Variants in RARB observed in about 807,000 individuals in gnomAD.
RARB encodes the protein retinoic acid receptor beta, also known as HBV-activated protein.
RARB carries 17 observed loss-of-function variants against 51.9 expected under a neutral mutation model. The observed-to-expected ratio is 0.33, with a 90% CI of 0.22 to 0.49. The LOEUF (loss-of-function observed/expected upper bound fraction) is 0.49, where lower values mean the gene tolerates loss of function less well. Ranked by LOEUF, RARB falls within the 20% of genes least tolerant of loss-of-function variation. RARB has a pLI of 0.99. For synonymous variants in RARB, 215 were observed against 195.4 expected (o/e 1.10, Z -0.84); for missense variants, 369 against 550.8 (o/e 0.67, Z 3.30).
intron 2 of RARB, among the ~76,000 whole-genome samples, chr3:24,888,458 C>T (rs1471727536): frequency 1.3e-5 from 2 of 151,718 alleles, no homozygotes; most frequent in African/African-American, 4.8e-5. Flanking sequence ...GGTACATGTG[C>T]ACAACTGATG....
chr3:25,113,039 T>G (rs1699629431), intron 3 of RARB, among the ~76,000 whole-genome samples: 2 of 152,344 alleles, frequency 1.3e-5, no homozygotes, highest in South Asian at 2.1e-4. Flanking sequence ...CCTGTAGTTT[T>G]GTTCTGACTT....
intron 2 of RARB, among the ~76,000 whole-genome samples, chr3:25,479,978 G>C (rs1249705199): frequency 6.6e-6 from 1 of 152,084 alleles, no homozygotes; most frequent in Non-Finnish European, 1.5e-5. Context: ...TAAAAAACTT[G>C]GTTATATTTG....
At chr3:24,875,209 T>C (rs1703018158) in intron 2 of RARB, among the ~76,000 whole-genome samples, 1 of 152,170 alleles carries the variant, frequency 6.6e-6, no homozygotes, top group Admixed American at 6.5e-5. Context: ...TATATTCTGT[T>C]GCATATTTTT....
intron 3 of RARB, among the ~76,000 whole-genome samples, chr3:25,557,300 G>T (rs1193720931): frequency 6.6e-6 from 1 of 152,160 alleles, no homozygotes; most frequent in Non-Finnish European, 1.5e-5. Context: ...TTCACATTAA[G>T]TCAATTTCTA....
intron 5 of RARB, among the ~76,000 whole-genome samples, chr3:25,215,936 T>C (rs1021014329): frequency 5.3e-5 from 8 of 152,212 alleles, no homozygotes; most frequent in Admixed American, 2.6e-4. Context: ...GGAAGAACTT[T>C]AGAATTTTCA....
In RARB at chr3:24,857,025, T is replaced by C. The variant is rs537158405; in HGVS notation, c.-458-1649T>C. On this transcript the variant is annotated intron_variant, in intron 1 of 11. Transcript: ENST00000383772. ...GCTAAGCTGCACCTGATAGTTCACG[T>C]TGTGGTCCATGACTGGAGCTGGAAG... 6.6e-5 allele frequency among the ~76,000 whole-genome samples: 10 copies of C among 152,330 alleles called. No individual in the cohort carries two copies. The East Asian group carries it at 1.7e-3, about 26-fold the overall frequency.
At chr3:24,899,004 C>T (rs9883020) in intron 2 of RARB, among the ~76,000 whole-genome samples, 85,776 of 152,016 alleles carry the variant, frequency 0.56, 25,127 homozygotes, top group Non-Finnish European at 0.63. Flanking sequence ...AACTCAAGTA[C>T]TCAAGGTTGT....
intron 2 of RARB, among the ~76,000 whole-genome samples, chr3:25,003,917 G>T (rs1431388194): frequency 1.3e-5 from 2 of 152,162 alleles, no homozygotes; most frequent in Non-Finnish European, 2.9e-5. Flanking sequence ...TCCTGGCCAT[G>T]TGATTAACCT....
chr3:25,267,671 T>G (rs993829443), intron 5 of RARB, among the ~76,000 whole-genome samples: 2 of 152,148 alleles, frequency 1.3e-5, no homozygotes, highest in African/African-American at 4.8e-5. Context: ...GTGCCAAGTA[T>G]TTTTAGTGTT....
chr3:25,073,876 C>T (rs990708761), intron 3 of RARB, among the ~76,000 whole-genome samples: 3 of 151,374 alleles, frequency 2.0e-5, no homozygotes, highest in Non-Finnish European at 4.4e-5. Context: ...CTTTCTTATT[C>T]AGAGTGTTTG....
At chr3:25,446,713 G>A (rs1250375758) in intron 1 of RARB, among the ~76,000 whole-genome samples, 1 of 139,612 alleles carries the variant, frequency 7.2e-6, no homozygotes, top group Non-Finnish European at 1.5e-5. Flanking sequence ...TGAGGCAGGA[G>A]AATAGCGTGA....
chr3:25,119,183 T>C (rs1699738541), intron 3 of RARB, among the ~76,000 whole-genome samples: 1 of 152,174 alleles, frequency 6.6e-6, no homozygotes, highest in African/African-American at 2.4e-5. Context: ...TCTTGCTTAG[T>C]AGATTCCTCA....
intron 4 of RARB, among the ~76,000 whole-genome samples, chr3:25,147,947 T>G (rs763954154): frequency 7.9e-5 from 12 of 152,234 alleles, no homozygotes; most frequent in Non-Finnish European, 8.8e-5. Context: ...GCCAACACAT[T>G]AATGAAGGTA....
intron 5 of RARB, among the ~76,000 whole-genome samples, chr3:25,329,850 G>C (rs945136241): frequency 1.3e-5 from 2 of 152,122 alleles, no homozygotes; most frequent in Admixed American, 6.5e-5. Context: ...ACCATGGCAC[G>C]AGAACTACGT....
intron 5 of RARB, among the ~76,000 whole-genome samples, chr3:25,231,271 C>T (rs892986471): frequency 1.3e-5 from 2 of 152,152 alleles, no homozygotes; most frequent in African/African-American, 4.8e-5. Flanking sequence ...CAAAGCAATG[C>T]TTGCTTTTCT....
chr3:25,357,542 T>C (rs974989090), intron 5 of RARB, among the ~76,000 whole-genome samples: 5 of 152,226 alleles, frequency 3.3e-5, no homozygotes, highest in Non-Finnish European at 7.3e-5. Context: ...AATTTTGGCT[T>C]TTGTTGCCGT....
chr3:24,987,032 G>C (rs1450650372), intron 2 of RARB, among the ~76,000 whole-genome samples: 3 of 152,146 alleles, frequency 2.0e-5, no homozygotes, highest in African/African-American at 7.2e-5. Context: ...TTTGAAAACA[G>C]TGTCTTTCTC....
intron 5 of RARB, among the ~76,000 whole-genome samples, chr3:25,184,426 C>A (rs1700929472): frequency 6.6e-6 from 1 of 152,000 alleles, no homozygotes; most frequent in Non-Finnish European, 1.5e-5. Context: ...GGAGACTGCC[C>A]CTAACCTCTG....
At chr3:25,220,164 C>G (rs1350382838) in intron 5 of RARB, among the ~76,000 whole-genome samples, 1 of 152,186 alleles carries the variant, frequency 6.6e-6, no homozygotes, top group African/African-American at 2.4e-5. Context: ...TGGACTATTT[C>G]ATTGCTAACT....
Sources: gnomAD v4.1 joint callset for allele counts (sites outside exome capture counted in the v4.1 genomes callset) on GRCh38, gnomAD v4.1.1 for gene constraint, MANE v1.5 for transcripts, NCBI Gene and HGNC (gene_info 2026-07-23, HGNC 2026-07-21) for gene names.